Variants in CTNNB1 observed in about 807,000 individuals in gnomAD.
CTNNB1 encodes the protein catenin beta 1, also known as catenin beta-1.
CTNNB1 carries 6 observed loss-of-function variants against 82.5 expected under a neutral mutation model. That is an observed-to-expected ratio of 0.07 (90% CI 0.04 to 0.14). The LOEUF (loss-of-function observed/expected upper bound fraction) is 0.14. Ranked by LOEUF, CTNNB1 falls within the 10% of genes least tolerant of loss-of-function variation. The pLI, the probability that CTNNB1 is intolerant of heterozygous loss-of-function variation, is 1.00. For synonymous variants in CTNNB1, 312 were observed against 329.7 expected (o/e 0.95, Z 0.58); for missense variants, 529 against 980.4 (o/e 0.54, Z 6.15).
chr3:41,206,714 A>G (rs964940502), intron 1 of CTNNB1, among the ~76,000 whole-genome samples: 3 of 151,772 alleles, frequency 2.0e-5, no homozygotes, highest in East Asian at 1.9e-4. Flanking sequence ...TTTTGCATAT[A>G]CTAGATGAAT....
intron 1 of CTNNB1, among the ~76,000 whole-genome samples, chr3:41,204,369 A>G (rs1479016329): frequency 1.3e-5 from 2 of 152,244 alleles, no homozygotes; most frequent in East Asian, 1.9e-4. Context: ...GTCTCTTGAA[A>G]TGGGCTACTT....
chr3:41,211,215 A>G (rs2077778523), intron 1 of CTNNB1, among the ~76,000 whole-genome samples: 1 of 152,172 alleles, frequency 6.6e-6, no homozygotes, highest in Non-Finnish European at 1.5e-5. Context: ...CAACATCACT[A>G]GGTGATAGGA....
In CTNNB1 at chr3:41,239,488, G is replaced by C. The variant is rs899186532; in HGVS notation, c.*146G>C. ...TGCCACAAAAACAGGTATATACTTT[G>C]AAAGGAGATGTCTTGGAACATTGGA... On this transcript the variant is annotated 3_prime_UTR_variant, in exon 15 of 15. Coordinates refer to ENST00000349496, the MANE Select transcript of CTNNB1 (RefSeq NM_001904.4). The C allele has an allele frequency of 1.4e-5, 10 of 696,908 alleles. No homozygotes were observed. The highest frequency in any genetic ancestry group is 2.5e-5 in the Non-Finnish European group (10 of 394,016). 43.2% of individuals were successfully genotyped at this position (696,908 alleles called of 1,614,324 possible). A position where few individuals can be genotyped will look rare whatever the true frequency, so the allele number is the denominator to read the frequency against.
At chr3:41,231,609 AG>A (rs1207925954) in intron 7 of CTNNB1, among the ~76,000 whole-genome samples, 1 of 152,192 alleles carries the variant, frequency 6.6e-6, no homozygotes, top group Non-Finnish European at 1.5e-5. Context: ...GTTATACTAA[AG>A]TATTTCTATT....
In CTNNB1 at chr3:41,236,612, T is replaced by A; in HGVS notation, c.1979T>A (p.Phe660Tyr). The part of the protein sequence containing the change: ...GVATYAAAVL[F>Y]RMSEDKPQDY... ...GCGACATATGCAGCTGCTGTTTTGT[T>A]CCGAATGTCTGAGGACAAGCCACAA... Residue 660 changes from phenylalanine to tyrosine, a missense_variant, in exon 13 of 15, where the codon TTC (phenylalanine) becomes TAC (tyrosine). Physicochemically the swap from Phe to Tyr is conservative, Grantham distance 22. Around this residue, in one of 4 missense-constraint regions of CTNNB1, gnomAD observed 411 missense variants for 776.4 expected, o/e 0.53. Transcript: ENST00000349496. The A allele has an allele frequency of 6.2e-7, 1 of 1,614,238 alleles. No individual in the cohort carries two copies. Among genetic ancestry groups the A allele is most frequent in the Non-Finnish European group, 8.5e-7 (1 of 1,180,048 alleles).
chr3:41,226,147 G>A (rs1261657356), intron 6 of CTNNB1, among the ~76,000 whole-genome samples: 1 of 152,134 alleles, frequency 6.6e-6, no homozygotes, highest in Non-Finnish European at 1.5e-5. Flanking sequence ...GATCTGACAG[G>A]AGGTAGAGCT....
chr3:41,215,382 CA>C (rs35166040), intron 1 of CTNNB1, among the ~76,000 whole-genome samples: 297 of 48,854 alleles, frequency 6.1e-3, no homozygotes, highest in African/African-American at 0.022. Context: ...AACACCATCT[CA>C]AAAAAAAAAA....
chr3:41,223,157 T>A (rs2078091386), intron 1 of CTNNB1, among the ~76,000 whole-genome samples: 1 of 152,312 alleles, frequency 6.6e-6, no homozygotes, highest in Middle Eastern at 3.4e-3. Context: ...TAGTTCAAGA[T>A]GAACTTGTTT....
At chr3:41,201,095 G>T (rs936764214) in intron 1 of CTNNB1, among the ~76,000 whole-genome samples, 4 of 152,170 alleles carry the variant, frequency 2.6e-5, no homozygotes, top group African/African-American at 7.2e-5. Flanking sequence ...GTTGTAGTTT[G>T]TCTGGAATTT....
intron 1 of CTNNB1, among the ~76,000 whole-genome samples, chr3:41,205,951 G>T (rs948485595): frequency 1.3e-5 from 2 of 152,102 alleles, no homozygotes; most frequent in African/African-American, 4.8e-5. Context: ...TAATATCCCA[G>T]AAGTTTCCTA....
intron 10 of CTNNB1, 89 bp downstream of exon 10, chr3:41,234,386 C>T (rs2078384018): frequency 1.5e-6 from 2 of 1,312,030 alleles, no homozygotes; most frequent in African/African-American, 1.4e-5. Context: ...GTCATTGGTT[C>T]CCCCCATCCG....
rs1273582168 is a variant in CTNNB1, at chr3:41,239,525, T to C, written c.*183T>C. On this transcript the variant is annotated 3_prime_UTR_variant, in exon 15 of 15. Transcript: ENST00000349496. Reference sequence around the variant, plus strand: ...CTTGGAACATTGGAATGTTCTCAGATTTCTGGTTGTTATGTGATCATGTGT... The same window carrying C: ...CTTGGAACATTGGAATGTTCTCAGACTTCTGGTTGTTATGTGATCATGTGT... The C allele has an allele frequency of 1.6e-6, 1 of 630,354 alleles. No homozygotes were observed. Among genetic ancestry groups the C allele is most frequent in the Non-Finnish European group, 2.8e-6 (1 of 356,146 alleles). The allele number at this position is 630,354 out of a possible 1,614,324, so 39.0% of individuals were successfully genotyped here.
intron 1 of CTNNB1, among the ~76,000 whole-genome samples, chr3:41,219,102 A>C (rs1270964965): frequency 6.6e-6 from 1 of 152,234 alleles, no homozygotes; most frequent in Non-Finnish European, 1.5e-5. Flanking sequence ...TTCAGGATGT[A>C]TCTTAAAGGA....
At chr3:41,234,396 G>A (rs760322031) in intron 10 of CTNNB1, 99 bp downstream of exon 10, 73 of 1,215,724 alleles carry the variant, frequency 6.0e-5, no homozygotes, top group South Asian at 3.1e-4. Context: ...CCCCCCATCC[G>A]TCTTCCTGAA....
At chr3:41,215,213 T>TAAAAA (rs10576683) in intron 1 of CTNNB1, among the ~76,000 whole-genome samples, 1 of 76,172 alleles carries the variant, frequency 1.3e-5, no homozygotes, top group African/African-American at 5.2e-5. Flanking sequence ...CTGTCTCCAT[T>TAAAAA]AAAAAAAAAA....
At chr3:41,227,627 A>T (rs1400496431) in intron 7 of CTNNB1, among the ~76,000 whole-genome samples, 4 of 152,128 alleles carry the variant, frequency 2.6e-5, no homozygotes, top group Admixed American at 2.6e-4. Flanking sequence ...TAAACCTAAG[A>T]TTTGCTAACA....
intron 1 of CTNNB1, among the ~76,000 whole-genome samples, chr3:41,213,754 A>C (rs1440946846): frequency 6.6e-6 from 1 of 152,178 alleles, no homozygotes; most frequent in Non-Finnish European, 1.5e-5. Context: ...GGAGATTATG[A>C]CTCATTTATT....
Position 41,224,760 on chromosome 3 carries a change from G to GTA in CTNNB1, c.241+9_241+10dup. 1 of 1,612,500 alleles carries GTA rather than the reference G, an allele frequency of 6.2e-7. No individual in the cohort carries two copies. The highest frequency in any genetic ancestry group is 1.7e-4 in the Middle Eastern group (1 of 6,012). ...ACTCAAGAACAAGTAGCTGGTAAGA[G>GTA]TATTATTTTTCATTGCCTTACTGAA... is the stretch of plus-strand genomic sequence containing the variant. On this transcript the variant is annotated splice_region_variant and intron_variant, in intron 3 of 14. Coordinates refer to ENST00000349496, the MANE Select transcript of CTNNB1 (RefSeq NM_001904.4).
At chr3:41,205,227 A>G (rs2077621244) in intron 1 of CTNNB1, among the ~76,000 whole-genome samples, 1 of 152,248 alleles carries the variant, frequency 6.6e-6, no homozygotes. Flanking sequence ...TGCATTTCTA[A>G]GCTAAACTAT....
Sources: allele counts gnomAD v4.1 joint callset (sites outside exome capture counted in the v4.1 genomes callset), GRCh38; gene constraint gnomAD v4.1.1; regional missense constraint gnomAD v4.1.1; transcripts MANE v1.5; gene names NCBI Gene and HGNC (gene_info 2026-07-23, HGNC 2026-07-21).